ADAD1: variants seen among roughly 807,000 people sequenced by gnomAD.
ADAD1 encodes the protein adenosine deaminase domain containing 1, also known as adenosine deaminase domain-containing protein 1.
A neutral mutation model predicts 66.8 loss-of-function variants in ADAD1; 46 were observed. The ratio of observed to expected loss-of-function variants is 0.69; its 90% CI spans 0.54 to 0.88. The LOEUF is 0.88. ADAD1 is among the 40% of genes least tolerant of loss of function. The probability of loss-of-function intolerance (pLI) is 0.00; values close to 1 mark genes in which losing one functional copy is unlikely to be tolerated. For synonymous variants in ADAD1, 248 were observed against 229.4 expected (o/e 1.08, Z -0.73); for missense variants, 617 against 681.8 (o/e 0.91, Z 1.06).
At position 122,380,127 on chromosome 4, in the gene ADAD1, C is replaced by T. The variant is rs1263964571; in HGVS notation, c.58C>T (p.Leu20=). 2 of 1,614,040 alleles carry T rather than the reference C, an allele frequency of 1.2e-6. No individual in the cohort carries two copies. Among genetic ancestry groups the T allele is most frequent in the Non-Finnish European group, 1.7e-6 (2 of 1,180,038 alleles). The change falls in exon 3 of 13, where the codon CTG becomes TTG. Residue 20 remains leucine, a synonymous_variant. Transcript: ENST00000296513. ...GCAGGTCCCCAGCTTTGCCCAGATG[C>T]TGAAAAAGAACCTGCCAGTTCAACC... ...SSQVPSFAQM[L]KKNLPVQPAT... is the part of the protein sequence containing the mutation.
At chr4:122,424,806 G>C (rs974393679) in intron 12 of ADAD1, among the ~76,000 whole-genome samples, 1 of 152,048 alleles carries the variant, frequency 6.6e-6, no homozygotes, top group Non-Finnish European at 1.5e-5. Context: ...AAAAAAGCCT[G>C]ATTCAAATAT....
intron 3 of ADAD1, 116 bp downstream of exon 3, chr4:122,380,357 G>C: frequency 7.9e-7 from 1 of 1,260,412 alleles, no homozygotes; most frequent in African/African-American, 1.5e-5. Context: ...ATTTACCCGT[G>C]GCCGTGTACC....
chr4:122,392,925 C>T (rs1250749191), intron 5 of ADAD1, among the ~76,000 whole-genome samples: 2 of 152,036 alleles, frequency 1.3e-5, no homozygotes. Flanking sequence ...AAAATTAATT[C>T]CAGAGAAGCA....
intron 7 of ADAD1, among the ~76,000 whole-genome samples, chr4:122,399,550 A>G (rs758512519): frequency 2.6e-5 from 4 of 152,052 alleles, no homozygotes; most frequent in African/African-American, 7.2e-5. Flanking sequence ...TGGGAATTGC[A>G]TTGAATCTGT....
intron 5 of ADAD1, among the ~76,000 whole-genome samples, chr4:122,387,816 A>G (rs1403838248): frequency 2.0e-5 from 3 of 151,324 alleles, no homozygotes; most frequent in Admixed American, 6.6e-5. Context: ...CTGGAGTGCA[A>G]TGGCATGATC....
intron 5 of ADAD1, among the ~76,000 whole-genome samples, chr4:122,390,637 G>C (rs1795387560): frequency 6.6e-6 from 1 of 152,078 alleles, no homozygotes; most frequent in Admixed American, 6.6e-5. Flanking sequence ...TCTCTGCTTA[G>C]TCAATTCAGC....
At chr4:122,403,859 G>A (rs987556440) in intron 7 of ADAD1, among the ~76,000 whole-genome samples, 23 of 152,064 alleles carry the variant, frequency 1.5e-4, no homozygotes, top group African/African-American at 4.8e-4. Flanking sequence ...TGGCCACGGT[G>A]GGGAATGGCA....
At chr4:122,382,851 T>C (rs1794970612) in intron 4 of ADAD1, among the ~76,000 whole-genome samples, 1 of 152,186 alleles carries the variant, frequency 6.6e-6, no homozygotes, top group African/African-American at 2.4e-5. Flanking sequence ...GTCTGAGATG[T>C]TATGGGGAAA....
At chr4:122,427,639 A>C (rs1443516492) in intron 12 of ADAD1, among the ~76,000 whole-genome samples, 1 of 136,038 alleles carries the variant, frequency 7.4e-6, no homozygotes, top group African/African-American at 2.8e-5. Context: ...GGTTCAAGTG[A>C]TTCTCCTGCC....
intron 12 of ADAD1, among the ~76,000 whole-genome samples, chr4:122,427,488 A>G (rs540396425): frequency 6.8e-6 from 1 of 147,412 alleles, no homozygotes; most frequent in East Asian, 2.0e-4. Context: ...GAAATTGACA[A>G]GCTGATTGTG....
intron 6 of ADAD1, among the ~76,000 whole-genome samples, chr4:122,394,750 A>C (rs1013996777): frequency 3.3e-5 from 5 of 152,208 alleles, no homozygotes; most frequent in Non-Finnish European, 7.3e-5. Flanking sequence ...AACGAATAAG[A>C]GGATAGAATC....
At chr4:122,389,796 G>A (rs1233810891) in intron 5 of ADAD1, among the ~76,000 whole-genome samples, 1 of 152,144 alleles carries the variant, frequency 6.6e-6, no homozygotes, top group African/African-American at 2.4e-5. Context: ...AATGGGTCTT[G>A]ACTCCTTACC....
At chr4:122,399,087 T>A (rs1374388227) in intron 7 of ADAD1, among the ~76,000 whole-genome samples, 1 of 152,206 alleles carries the variant, frequency 6.6e-6, no homozygotes, top group Non-Finnish European at 1.5e-5. Context: ...TCTTCTAGAA[T>A]TTTTATGGCT....
chr4:122,426,709 T>G (rs1797252292), intron 12 of ADAD1, among the ~76,000 whole-genome samples: 1 of 152,224 alleles, frequency 6.6e-6, no homozygotes, highest in African/African-American at 2.4e-5. Context: ...ACACACCATA[T>G]GAATAAATTC....
At chr4:122,411,490 C>A in intron 9 of ADAD1, 98 bp downstream of exon 9, 2 of 1,207,406 alleles carry the variant, frequency 1.7e-6, no homozygotes, top group Middle Eastern at 4.0e-4. Context: ...TCTAATTACC[C>A]GTATTTTCTC....
At chr4:122,406,595 C>T (rs1234580058) in intron 7 of ADAD1, among the ~76,000 whole-genome samples, 1 of 152,128 alleles carries the variant, frequency 6.6e-6, no homozygotes, top group African/African-American at 2.4e-5. Context: ...GTAGCTTCCC[C>T]ATAGCTCTTT....
At chr4:122,390,872 G>T (rs1305067437) in intron 5 of ADAD1, among the ~76,000 whole-genome samples, 2 of 152,146 alleles carry the variant, frequency 1.3e-5, no homozygotes. Context: ...ATTTGTCCAT[G>T]TGATCCTCCA....
rs57013887 is a variant in ADAD1 at position 122,395,664 on chromosome 4, CA to C, written c.599-575del. 1.7e-3 allele frequency among the ~76,000 whole-genome samples: 227 copies of C among 137,038 alleles called. 1 individual carries two copies. The highest frequency in any genetic ancestry group is 2.0e-3 in the Admixed American group (27 of 13,566). The allele number at this position is 137,038 out of a possible 152,430, so 89.9% of individuals were successfully genotyped here. On this transcript the variant is annotated intron_variant, in intron 6 of 12. Transcript: ENST00000296513. ...TGGGCAACAGAGCAAGACTCCATCT[CA>C]AAAAAAAAAAAAGGATCCATAGATA...
At chr4:122,424,554 A>G (rs1246840198) in intron 12 of ADAD1, among the ~76,000 whole-genome samples, 1 of 152,168 alleles carries the variant, frequency 6.6e-6, no homozygotes, top group East Asian at 1.9e-4. Flanking sequence ...GTAATTCCTA[A>G]TGTAACCATG....
Sources: gnomAD v4.1 joint callset for allele counts (sites outside exome capture counted in the v4.1 genomes callset) on GRCh38, gnomAD v4.1.1 for gene constraint, MANE v1.5 for transcripts, NCBI Gene and HGNC (gene_info 2026-07-23, HGNC 2026-07-21) for gene names.